The following GLI3 variants were observed in gnomAD, a reference collection of about 807,000 sequenced individuals.
The protein encoded by GLI3 is GLI family zinc finger 3.
In GLI3, 20 loss-of-function variants were observed where a neutral mutation model predicts 100.8. That is an observed-to-expected ratio of 0.20 (90% CI 0.14 to 0.29). The LOEUF is 0.29. GLI3 is among the 10% of genes least tolerant of loss of function. GLI3 has a pLI of 1.00. For missense variants in GLI3, 2,040 were observed against 2,128.5 expected (o/e 0.96, Z 0.82); for synonymous variants, 938 against 860.5 (o/e 1.09, Z -1.58).
intron 2 of GLI3, among the ~76,000 whole-genome samples, chr7:42,173,392 G>A (rs1358917001): frequency 6.6e-6 from 1 of 152,016 alleles, no homozygotes; most frequent in Non-Finnish European, 1.5e-5. Context: ...GACTTGTTCA[G>A]TCTTTGCAAT....
chr7:42,023,347 C>A (rs190190927), intron 10 of GLI3, 121 bp downstream of exon 10: 2 of 968,706 alleles, frequency 2.1e-6, no homozygotes, highest in Admixed American at 3.7e-5. Flanking sequence ...AGTCATAAAG[C>A]CCTCTCCAGT....
intron 1 of GLI3, among the ~76,000 whole-genome samples, chr7:42,263,545 C>G (rs527606003): frequency 6.6e-6 from 1 of 151,988 alleles, no homozygotes; most frequent in African/African-American, 2.4e-5. Flanking sequence ...CTCACATGTT[C>G]AAGCAATTCT....
intron 2 of GLI3, among the ~76,000 whole-genome samples, chr7:42,192,568 T>C (rs563345212): frequency 2.0e-5 from 3 of 152,292 alleles, no homozygotes; most frequent in East Asian, 3.9e-4. Flanking sequence ...CAAGTCCTTA[T>C]CATAAAAAGT....
intron 2 of GLI3, among the ~76,000 whole-genome samples, chr7:42,178,797 A>T (rs754117732): frequency 1.1e-4 from 16 of 152,186 alleles, no homozygotes; most frequent in Non-Finnish European, 1.8e-4. Context: ...GTTCAGTGGG[A>T]CCAGGCAACC....
chr7:42,000,408 C>T (rs554304178), intron 10 of GLI3, among the ~76,000 whole-genome samples: 6 of 151,982 alleles, frequency 3.9e-5, no homozygotes, highest in African/African-American at 1.2e-4. Flanking sequence ...AAAATGTTTG[C>T]GAGTTGAGAT....
At chr7:42,096,590 G>A (rs748275443) in intron 3 of GLI3, among the ~76,000 whole-genome samples, 4 of 152,218 alleles carry the variant, frequency 2.6e-5, no homozygotes, top group African/African-American at 9.6e-5. Context: ...CACTGGCAAG[G>A]AGAACTGCTA....
intron 2 of GLI3, among the ~76,000 whole-genome samples, chr7:42,186,354 C>A (rs1284263645): frequency 5.3e-5 from 8 of 152,170 alleles, no homozygotes; most frequent in African/African-American, 1.9e-4. Flanking sequence ...TGGTTAGCAC[C>A]CCTAGTGGCC....
intron 13 of GLI3, among the ~76,000 whole-genome samples, chr7:41,970,120 CA>C (rs1787327476): frequency 6.6e-6 from 1 of 151,526 alleles, no homozygotes; most frequent in Non-Finnish European, 1.5e-5. Flanking sequence ...AAAATGAAAA[CA>C]AAACAAAAAG....
intron 2 of GLI3, among the ~76,000 whole-genome samples, chr7:42,197,330 G>A (rs183331756): frequency 1.2e-4 from 18 of 152,202 alleles, no homozygotes; most frequent in Admixed American, 5.9e-4. Context: ...CCAACCAATA[G>A]GCCTCACCTT....
intron 1 of GLI3, among the ~76,000 whole-genome samples, chr7:42,253,706 G>C (rs1258746321): frequency 6.6e-6 from 1 of 152,112 alleles, no homozygotes; most frequent in African/African-American, 2.4e-5. Context: ...TAAGGTCCTA[G>C]GCCTTTGTTT....
chr7:42,177,690 T>G, intron 2 of GLI3, among the ~76,000 whole-genome samples: 1 of 151,466 alleles, frequency 6.6e-6, no homozygotes, highest in Non-Finnish European at 1.5e-5. Context: ...AACGGAAGAG[T>G]AAATTAATGT....
At chr7:42,016,598 C>T (rs1788770648) in intron 10 of GLI3, among the ~76,000 whole-genome samples, 1 of 152,160 alleles carries the variant, frequency 6.6e-6, no homozygotes, top group African/African-American at 2.4e-5. Flanking sequence ...CCAGGTCTGT[C>T]TGCTTTGAAA....
Position 42,224,368 on chromosome 7 carries a change from T to A in GLI3, c.-42-1073A>T, listed in dbSNP as rs972196061. Among the ~76,000 whole-genome samples, 3 of 152,170 alleles carry A rather than the reference T, an allele frequency of 2.0e-5. No homozygotes were observed. The South Asian group carries it at 6.2e-4, about 31-fold the overall frequency. On this transcript the variant is annotated intron_variant, in intron 1 of 14. Coordinates refer to ENST00000395925, the MANE Select transcript of GLI3 (RefSeq NM_000168.6). ...CTGCTTGACCAACTAAAAGTTAAAATACAAGATAAAATATTTTCAGTCTAC... is the reference window on the plus strand; with the variant it reads ...CTGCTTGACCAACTAAAAGTTAAAAAACAAGATAAAATATTTTCAGTCTAC...
At chr7:42,147,330 T>G (rs1786737733) in intron 3 of GLI3, among the ~76,000 whole-genome samples, 1 of 152,144 alleles carries the variant, frequency 6.6e-6, no homozygotes, top group South Asian at 2.1e-4. Flanking sequence ...AACACTAAAA[T>G]TTCTGAATGA....
intron 6 of GLI3, among the ~76,000 whole-genome samples, chr7:42,042,292 G>A (rs1001218644): frequency 3.9e-5 from 6 of 152,176 alleles, no homozygotes; most frequent in African/African-American, 1.4e-4. Flanking sequence ...GGGATTACAG[G>A]GGTGAGCCAC....
intron 3 of GLI3, among the ~76,000 whole-genome samples, chr7:42,080,086 A>G (rs1784967772): frequency 6.6e-6 from 1 of 152,212 alleles, no homozygotes; most frequent in Non-Finnish European, 1.5e-5. Flanking sequence ...AGACACTGCC[A>G]TCTTCTCATT....
intron 3 of GLI3, among the ~76,000 whole-genome samples, chr7:42,120,721 TCTTA>T (rs1283238785): frequency 6.6e-6 from 1 of 152,316 alleles, no homozygotes; most frequent in Non-Finnish European, 1.5e-5. Flanking sequence ...GGCTACTGCC[TCTTA>T]CTTAACTTGG....
intron 1 of GLI3, among the ~76,000 whole-genome samples, chr7:42,229,481 G>T (rs1484676005): frequency 6.6e-6 from 1 of 152,162 alleles, no homozygotes; most frequent in East Asian, 1.9e-4. Flanking sequence ...TTCCTCCAGA[G>T]AAATAACATT....
intron 4 of GLI3, among the ~76,000 whole-genome samples, chr7:42,074,921 G>A (rs1389701828): frequency 1.3e-5 from 2 of 152,170 alleles, no homozygotes; most frequent in Non-Finnish European, 1.5e-5. Context: ...TAAAAAAGCA[G>A]GAAGAACTAA....
Sources: allele counts gnomAD v4.1 joint callset (sites outside exome capture counted in the v4.1 genomes callset), GRCh38; gene constraint gnomAD v4.1.1; transcripts MANE v1.5; gene names NCBI Gene and HGNC (gene_info 2026-07-23, HGNC 2026-07-21).